Variants in SARAF observed in about 807,000 individuals in gnomAD.
SARAF encodes store-operated calcium entry associated regulatory factor, also known as store-operated calcium entry-associated regulatory factor.
A neutral mutation model predicts 39.7 loss-of-function variants in SARAF; 23 were observed. That is an observed-to-expected ratio of 0.58 (90% CI 0.42 to 0.82). The LOEUF is 0.82. SARAF is among the 40% of genes least tolerant of loss of function. The pLI is 0.00. For missense variants in SARAF, 384 were observed against 418.5 expected (o/e 0.92, Z 0.72); for synonymous variants, 175 against 168.5 (o/e 1.04, Z -0.30).
At chr8:30,083,204 G>T (rs1005399739), upstream of SARAF, 3 of 362,606 alleles carry the variant, frequency 8.3e-6, no homozygotes, top group Non-Finnish European at 1.5e-5. Context: ...GGGCGAGGCG[G>T]TGTGGGCGGG....
Position 30,073,804 on chromosome 8 carries a change from T to C in SARAF, c.282+73A>G, listed in dbSNP as rs1206779932. ...TTCCGTAGGTGCACCCTCAAAAGACTGAATAATGTCCCAATAAACAATTTA... is the reference window on the plus strand; with the variant it reads ...TTCCGTAGGTGCACCCTCAAAAGACCGAATAATGTCCCAATAAACAATTTA... On this transcript the variant is annotated intron_variant, in intron 2 of 5. Transcript: ENST00000256255. 5 of 1,375,538 alleles carry C rather than the reference T, an allele frequency of 3.6e-6. No individual in the cohort carries two copies. In the African/African-American group the frequency reaches 4.3e-5, roughly 12 times the overall value. The allele number at this position is 1,375,538 out of a possible 1,614,324, so 85.2% of individuals were successfully genotyped here.
At position 30,082,986 on chromosome 8, in the gene SARAF, C is replaced by T. The variant is rs1802144605; in HGVS notation, c.-37G>A. On this transcript the variant is annotated 5_prime_UTR_variant, in exon 1 of 6. Transcript: ENST00000256255. ...AAGATGGCGCCGGGCTGCCAGACGCCTACGGGCCGAACCTGGGTGCGGTAG... is the reference window on the plus strand; with the variant it reads ...AAGATGGCGCCGGGCTGCCAGACGCTTACGGGCCGAACCTGGGTGCGGTAG... 6.7e-7 allele frequency: 1 copy of T among 1,497,856 alleles called. No homozygotes were observed. Among genetic ancestry groups the T allele is most frequent in the African/African-American group, 1.4e-5 (1 of 69,978 alleles). 92.8% of individuals were successfully genotyped at this position (1,497,856 alleles called of 1,614,324 possible).
chr8:30,076,059 A>G (rs1372180755), intron 1 of SARAF, among the ~76,000 whole-genome samples: 1 of 150,406 alleles, frequency 6.6e-6, no homozygotes, highest in Non-Finnish European at 1.5e-5. Context: ...TACACACTAC[A>G]GGGTGAAAGC....
chr8:30,063,980 A>C (rs1801615008), intron 5 of SARAF, 67 bp from the exon 6 acceptor site: 1 of 1,321,952 alleles, frequency 7.6e-7, no homozygotes, highest in East Asian at 2.3e-5. Context: ...ATAAAATTAC[A>C]AGTCATACAT....
In SARAF at chr8:30,063,828, A is replaced by T. The variant is rs535211903; in HGVS notation, c.*60T>A. 3.4e-6 allele frequency: 5 copies of T among 1,462,818 alleles called. No homozygotes were observed. The Admixed American group carries it at 5.0e-5, about 15-fold the overall frequency. The allele number at this position is 1,462,818 out of a possible 1,614,324, so 90.6% of individuals were successfully genotyped here. A position where few individuals can be genotyped will look rare whatever the true frequency, so the allele number is the denominator to read the frequency against. ...TTAACAGGTAGTACTTTTTTTCTAAAGAGAAAGTGATGAAAAATCCAAAAT... is the reference window on the plus strand; with the variant it reads ...TTAACAGGTAGTACTTTTTTTCTAATGAGAAAGTGATGAAAAATCCAAAAT... On this transcript the variant is annotated 3_prime_UTR_variant, in exon 6 of 6. Coordinates refer to ENST00000256255, the MANE Select transcript of SARAF (RefSeq NM_016127.6).
intron 3 of SARAF, among the ~76,000 whole-genome samples, chr8:30,067,252 G>A (rs937024297): frequency 1.3e-5 from 2 of 152,160 alleles, no homozygotes; most frequent in African/African-American, 4.8e-5. Flanking sequence ...TCTAAGTGGA[G>A]TCTCTAAGAG....
intron 2 of SARAF, among the ~76,000 whole-genome samples, chr8:30,071,854 G>A (rs1801854898): frequency 1.3e-5 from 2 of 152,032 alleles, no homozygotes; most frequent in Non-Finnish European, 2.9e-5. Flanking sequence ...TCGTTCATTA[G>A]TAATGGACAT....
At chr8:30,081,614 T>G (rs928262674) in intron 1 of SARAF, among the ~76,000 whole-genome samples, 1 of 152,258 alleles carries the variant, frequency 6.6e-6, no homozygotes, top group African/African-American at 2.4e-5. Context: ...TAGGCTATTA[T>G]AGAAATAAAC....
intron 2 of SARAF, among the ~76,000 whole-genome samples, chr8:30,070,616 T>G (rs1286366865): frequency 6.6e-6 from 1 of 152,232 alleles, no homozygotes; most frequent in East Asian, 1.9e-4. Context: ...TCTTTACATA[T>G]ACATGTTATA....
In SARAF at chr8:30,069,860, T is replaced by TA; in HGVS notation, c.481dup (p.Tyr161LeufsTer4). 1.2e-6 allele frequency: 2 copies of TA among 1,614,134 alleles called. No individual in the cohort carries two copies. Among genetic ancestry groups the TA allele is most frequent in the East Asian group, 4.5e-5 (2 of 44,874 alleles). On this transcript the variant is annotated frameshift_variant, in exon 3 of 6. Coordinates refer to ENST00000256255, the MANE Select transcript of SARAF (RefSeq NM_016127.6). LOFTEE classifies it high-confidence loss of function. ...ATCCGCCGAGGACCACTTATAATAA[T>TA]AATCAGAGAAAGAGGCAAAGCCGTG...
At chr8:30,068,552 T>C (rs1801744040) in intron 3 of SARAF, among the ~76,000 whole-genome samples, 1 of 152,006 alleles carries the variant, frequency 6.6e-6, no homozygotes, top group South Asian at 2.1e-4. Context: ...TCCCAAAACC[T>C]TCTCTCCCCA....
chr8:30,071,898 A>G (rs907698744), intron 2 of SARAF, among the ~76,000 whole-genome samples: 16 of 152,220 alleles, frequency 1.1e-4, no homozygotes, highest in Non-Finnish European at 1.5e-4. Context: ...TATTATGAAT[A>G]ATGCTGCTAT....
chr8:30,083,129 CCCGTGGGGCTCAGTGAGTGGCCG>C (rs1288559877), upstream of SARAF: 2 of 506,230 alleles, frequency 4.0e-6, no homozygotes, highest in African/African-American at 4.1e-5. Context: ...GCCGCTGCGG[CCCGTGGGGCTCAGTGAGTGGCCG>C]CCGTGGGCCC....
intron 2 of SARAF, among the ~76,000 whole-genome samples, chr8:30,071,742 GCATAACATTTT>G (rs1801850622): frequency 2.6e-5 from 4 of 152,116 alleles, no homozygotes; most frequent in Admixed American, 2.0e-4. Flanking sequence ...CTTTCACTTA[GCATAACATTTT>G]CAAGATTCAT....
chr8:30,074,384 T>C (rs1432581203), intron 1 of SARAF, among the ~76,000 whole-genome samples: 2 of 152,204 alleles, frequency 1.3e-5, no homozygotes, highest in East Asian at 1.9e-4. Flanking sequence ...TTAATTAAAA[T>C]GGCAAGAATA....
intron 3 of SARAF, among the ~76,000 whole-genome samples, chr8:30,068,971 A>G (rs1801759938): frequency 6.6e-6 from 1 of 151,824 alleles, no homozygotes; most frequent in Non-Finnish European, 1.5e-5. Context: ...ATATTCTCCT[A>G]TGTTTTATTC....
rs1472487056 is a variant in SARAF, at chr8:30,075,992, AAAAAAAAAAAAAC to A, written c.104-1950_104-1938del. 1.0e-3 allele frequency among the ~76,000 whole-genome samples: 12 copies of A among 11,996 alleles called. 1 individual carries two copies. Among genetic ancestry groups the A allele is most frequent in the Non-Finnish European group, 3.3e-3 (9 of 2,756 alleles). 7.9% of individuals were successfully genotyped at this position (11,996 alleles called of 152,430 possible). ...CATAACAGAATCCCTAAAAAAAAAC[AAAAAAAAAAAAAC>A]AAAAAACGGGAAATGGCAGCTCTGG... On this transcript the variant is annotated intron_variant, in intron 1 of 5. Transcript: ENST00000256255.
intron 1 of SARAF, among the ~76,000 whole-genome samples, chr8:30,080,827 A>G (rs944630261): frequency 2.0e-5 from 3 of 152,232 alleles, no homozygotes; most frequent in African/African-American, 4.8e-5. Flanking sequence ...GTATGTCAAT[A>G]AAGTATCTTC....
chr8:30,064,333 A>G (rs1801622470), intron 5 of SARAF, among the ~76,000 whole-genome samples: 1 of 149,938 alleles, frequency 6.7e-6, no homozygotes, highest in South Asian at 2.1e-4. Context: ...TACTTAAGAC[A>G]CTGTGCGCAC....
Sources: allele counts gnomAD v4.1 joint callset (sites outside exome capture counted in the v4.1 genomes callset), GRCh38; gene constraint gnomAD v4.1.1; transcripts MANE v1.5; gene names NCBI Gene and HGNC (gene_info 2026-07-23, HGNC 2026-07-21).